CD46: variants seen among roughly 807,000 people sequenced by gnomAD.
CD46 encodes membrane cofactor protein.
Under a neutral mutation model 53.3 loss-of-function variants are expected in CD46, and 30 were observed. The observed-to-expected ratio is 0.56, with a 90% CI of 0.42 to 0.76. The LOEUF is 0.76. Ranked by LOEUF, CD46 falls within the 30% of genes least tolerant of loss-of-function variation. The probability of loss-of-function intolerance (pLI) is 0.00; values close to 1 mark genes in which losing one functional copy is unlikely to be tolerated. For missense variants in CD46, 409 were observed against 463.0 expected (o/e 0.88, Z 1.07); for synonymous variants, 142 against 152.0 (o/e 0.93, Z 0.48).
intron 6 of CD46, chr1:207,767,434 A>G: frequency 1.4e-6 from 1 of 715,698 alleles, no homozygotes. Context: ...TGTACATTGC[A>G]TGGGTATATG....
chr1:207,761,640 C>T (rs1656229457), intron 5 of CD46, among the ~76,000 whole-genome samples, 194 bp downstream of exon 5: 1 of 151,876 alleles, frequency 6.6e-6, no homozygotes, highest in African/African-American at 2.4e-5. Flanking sequence ...CTCACCCCTA[C>T]ATGTTCTTGG....
intron 12 of CD46, among the ~76,000 whole-genome samples, chr1:207,790,550 G>A (rs887321596): frequency 1.3e-5 from 2 of 152,118 alleles, no homozygotes; most frequent in South Asian, 2.1e-4. Flanking sequence ...AGGCTTTGAC[G>A]TAGGCTTTAA....
intron 5 of CD46, among the ~76,000 whole-genome samples, chr1:207,765,641 A>T (rs975831089): frequency 6.6e-6 from 1 of 152,218 alleles, no homozygotes; most frequent in African/African-American, 2.4e-5. Flanking sequence ...GGAAAGGCCG[A>T]AATGTAAACA....
intron 5 of CD46, 144 bp downstream of exon 5, chr1:207,761,590 A>G (rs1656224337): frequency 2.9e-6 from 2 of 700,690 alleles, no homozygotes; most frequent in East Asian, 2.7e-5. Flanking sequence ...ATTCAGGTCA[A>G]TTCAAGTCAA....
rs186054508 is a variant in CD46 at position 207,785,649 on chromosome 1, C to T, written c.1049C>T (p.Pro350Leu). Reference protein sequence around the residue: ...VVGVAVICVVPYRYLQRRKKK... With the variant: ...VVGVAVICVVLYRYLQRRKKK... ...GGAGTTGCAGTAATTTGTGTTGTCC[C>T]GTACAGATATCTTCAAAGGAGGAAG... Residue 350 changes from proline (P) to leucine (L), a missense_variant, in exon 11 of 13, where the codon CCG becomes CTG. Pro to Leu is a moderately conservative substitution (Grantham distance 98). Coordinates refer to ENST00000367042, the MANE Select transcript of CD46 (RefSeq NM_172351.3). 19 of 1,610,592 alleles carry T rather than the reference C, an allele frequency of 1.2e-5. No individual in the cohort carries two copies. In the East Asian group the frequency reaches 1.8e-4, roughly 15 times the overall value.
chr1:207,757,703 T>G (rs1351296136), intron 3 of CD46, 61 bp downstream of exon 3: 2 of 1,078,790 alleles, frequency 1.9e-6, no homozygotes, highest in Non-Finnish European at 2.8e-6. Context: ...GTTTTGCTTC[T>G]CTTCTTAAGC....
At chr1:207,775,021 C>G (rs1025169986) in intron 8 of CD46, among the ~76,000 whole-genome samples, 2 of 152,208 alleles carry the variant, frequency 1.3e-5, no homozygotes, top group Non-Finnish European at 2.9e-5. Context: ...TCAGGTACAC[C>G]AATCAAACGT....
At chr1:207,761,634 C>T (rs1042095609) in intron 5 of CD46, among the ~76,000 whole-genome samples, 188 bp downstream of exon 5, 1 of 152,090 alleles carries the variant, frequency 6.6e-6, no homozygotes, top group Non-Finnish European at 1.5e-5. Flanking sequence ...CTATTTCTCA[C>T]CCCTACATGT....
At chr1:207,770,405 T>C (rs1657367689) in intron 8 of CD46, 43 bp downstream of exon 8, 1 of 1,293,476 alleles carries the variant, frequency 7.7e-7, no homozygotes, top group East Asian at 2.4e-5. Context: ...AAGAATTTAT[T>C]TATTTATTTT....
chr1:207,792,011 G>A (rs1386512951), intron 12 of CD46, among the ~76,000 whole-genome samples: 2 of 152,152 alleles, frequency 1.3e-5, no homozygotes, highest in Non-Finnish European at 2.9e-5. Context: ...GGCCAGTCCT[G>A]GTGGCTCACA....
chr1:207,759,442 A>G (rs984412698), intron 3 of CD46, among the ~76,000 whole-genome samples, 197 bp from the exon 4 acceptor site: 1 of 152,244 alleles, frequency 6.6e-6, no homozygotes, highest in Non-Finnish European at 1.5e-5. Flanking sequence ...CTTGGCCAAT[A>G]TATATTCAAA....
intron 12 of CD46, among the ~76,000 whole-genome samples, chr1:207,791,056 G>C (rs1180083754): frequency 6.6e-6 from 1 of 152,148 alleles, no homozygotes; most frequent in South Asian, 2.1e-4. Flanking sequence ...GATCTACAAA[G>C]GCCAGCTGGA....
chr1:207,753,877 T>G (rs1231341092), intron 1 of CD46, among the ~76,000 whole-genome samples: 4 of 152,302 alleles, frequency 2.6e-5, no homozygotes, highest in African/African-American at 4.8e-5. Context: ...TTAGGAGCAT[T>G]CATTCAACGA....
chr1:207,790,595 G>C (rs768542026), intron 12 of CD46, among the ~76,000 whole-genome samples: 6 of 152,120 alleles, frequency 3.9e-5, no homozygotes, highest in Non-Finnish European at 7.4e-5. Context: ...TTTATCAGAC[G>C]ATCTCACTTC....
intron 8 of CD46, among the ~76,000 whole-genome samples, chr1:207,783,028 A>C (rs1003284508): frequency 5.9e-5 from 9 of 152,100 alleles, no homozygotes; most frequent in African/African-American, 2.2e-4. Flanking sequence ...GTACAGATAA[A>C]TTTGCATGTT....
chr1:207,776,963 A>T (rs1354966306), intron 8 of CD46, among the ~76,000 whole-genome samples: 1 of 152,072 alleles, frequency 6.6e-6, no homozygotes, highest in Non-Finnish European at 1.5e-5. Context: ...TTATCAGTGA[A>T]TCTGAACTTT....
chr1:207,777,597 G>A (rs1048907634), intron 8 of CD46, among the ~76,000 whole-genome samples: 2 of 152,094 alleles, frequency 1.3e-5, no homozygotes, highest in Admixed American at 6.5e-5. Flanking sequence ...TATTTGGGAC[G>A]TTCCTGCTGA....
chr1:207,760,688 C>T, intron 4 of CD46: 1 of 154,698 alleles, frequency 6.5e-6, no homozygotes. Flanking sequence ...ACAAGCTGTA[C>T]AGGAAGCATG....
intron 8 of CD46, among the ~76,000 whole-genome samples, chr1:207,773,546 C>A (rs1235936014): frequency 6.6e-6 from 1 of 152,018 alleles, no homozygotes; most frequent in East Asian, 1.9e-4. Context: ...CTATAAATTT[C>A]CCTCTACACA....
Sources: gnomAD v4.1 joint callset for allele counts (sites outside exome capture counted in the v4.1 genomes callset) on GRCh38, gnomAD v4.1.1 for gene constraint, MANE v1.5 for transcripts, NCBI Gene and HGNC (gene_info 2026-07-23, HGNC 2026-07-21) for gene names.